ITPR1: variants seen among roughly 807,000 people sequenced by gnomAD.
ITPR1 encodes inositol 1,4,5-trisphosphate-gated calcium channel ITPR1.
In ITPR1, 96 loss-of-function variants were observed where a neutral mutation model predicts 318.4. The observed-to-expected ratio is 0.30, with a 90% CI of 0.26 to 0.36. ITPR1 has a LOEUF of 0.36. ITPR1 is among the 10% of genes least tolerant of loss of function. The pLI is 1.00. For missense variants in ITPR1, 2,440 were observed against 3,460.2 expected, an observed-to-expected ratio of 0.71 and a Z score of 7.40; for synonymous variants, 1,312 against 1,289.9, an observed-to-expected ratio of 1.02 and a Z score of -0.37.
chr3:4,590,120 T>C (rs1188044750), intron 4 of ITPR1, among the ~76,000 whole-genome samples: 3 of 151,322 alleles, frequency 2.0e-5, no homozygotes, highest in Non-Finnish European at 4.4e-5. Flanking sequence ...CCTTCCTGTC[T>C]TACCAACTTA....
chr3:4,715,897 G>T (rs899743775), intron 39 of ITPR1, among the ~76,000 whole-genome samples: 14 of 151,996 alleles, frequency 9.2e-5, no homozygotes, highest in African/African-American at 3.1e-4. Context: ...GAAAGGTAGG[G>T]GCTGACTGAA....
intron 4 of ITPR1, among the ~76,000 whole-genome samples, chr3:4,606,961 G>C (rs1308505080): frequency 6.6e-6 from 1 of 152,184 alleles, no homozygotes; most frequent in Admixed American, 6.5e-5. Context: ...TATTCATGGG[G>C]GAGATGTTTT....
intron 10 of ITPR1, among the ~76,000 whole-genome samples, chr3:4,651,531 C>G (rs1442222871): frequency 6.6e-6 from 1 of 152,192 alleles, no homozygotes; most frequent in East Asian, 1.9e-4. Flanking sequence ...CACCAGTTGT[C>G]CAACATGTGA....
chr3:4,606,070 G>A (rs763594103), intron 4 of ITPR1, among the ~76,000 whole-genome samples: 11 of 152,106 alleles, frequency 7.2e-5, no homozygotes, highest in African/African-American at 2.7e-4. Flanking sequence ...CAGGAGCAGG[G>A]GAAAGAGCCT....
chr3:4,514,971 T>A (rs1395058964), intron 2 of ITPR1, among the ~76,000 whole-genome samples: 1 of 152,228 alleles, frequency 6.6e-6, no homozygotes, highest in Non-Finnish European at 1.5e-5. Context: ...TTCTGTACAT[T>A]ATTTGTGTAT....
chr3:4,688,461 C>A (rs776298615), intron 30 of ITPR1, 34 bp from the exon 31 acceptor site: 2 of 1,610,024 alleles, frequency 1.2e-6, no homozygotes, highest in African/African-American at 1.3e-5. Context: ...CCTGGCCCAG[C>A]AATCAGTGCT....
intron 4 of ITPR1, among the ~76,000 whole-genome samples, chr3:4,618,652 A>G (rs879551243): frequency 3.9e-5 from 6 of 151,968 alleles, no homozygotes; most frequent in East Asian, 3.9e-4. Context: ...CCTCTCTCCA[A>G]TTCCTCAGCA....
intron 4 of ITPR1, among the ~76,000 whole-genome samples, chr3:4,610,610 A>T (rs1559532173): frequency 6.6e-6 from 1 of 152,060 alleles, no homozygotes; most frequent in Non-Finnish European, 1.5e-5. Context: ...GGGAAATTTC[A>T]TTTGCCTTTA....
chr3:4,697,077 A>T (rs1559718313), intron 33 of ITPR1, 70 bp from the exon 34 acceptor site: 6 of 1,446,742 alleles, frequency 4.1e-6, no homozygotes, highest in Non-Finnish European at 3.8e-6. Flanking sequence ...CTTGCTGTGA[A>T]GTTGAGGCAG....
rs570990426 is a variant in ITPR1, at chr3:4,774,420, T to A, written c.5980-822T>A. On this transcript the variant is annotated intron_variant, in intron 46 of 61. Coordinates refer to ENST00000649015, the MANE Select transcript of ITPR1 (RefSeq NM_001378452.1). ...CAAAGATCATGTCCATTTAATCTTT[T>A]CCTATTGCCCATTTTTTTTACAGTA... is the stretch of plus-strand genomic sequence containing the variant. Among the ~76,000 whole-genome samples the A allele has an allele frequency of 2.6e-5, 4 of 152,366 alleles. No homozygotes were observed. In the South Asian group the frequency reaches 8.3e-4, roughly 32 times the overall value.
intron 2 of ITPR1, among the ~76,000 whole-genome samples, chr3:4,512,598 CAG>C (rs1355506851): frequency 2.0e-5 from 3 of 152,212 alleles, no homozygotes; most frequent in African/African-American, 7.2e-5. Context: ...ATTTTTTAAA[CAG>C]GGGATCCTTT....
intron 56 of ITPR1, among the ~76,000 whole-genome samples, chr3:4,811,981 C>T (rs530337657): frequency 6.6e-6 from 1 of 151,898 alleles, no homozygotes; most frequent in East Asian, 1.9e-4. Flanking sequence ...TGGAAAAATA[C>T]CCACAAGATG....
At chr3:4,568,514 A>G (rs1407870481) in intron 4 of ITPR1, among the ~76,000 whole-genome samples, 1 of 152,156 alleles carries the variant, frequency 6.6e-6, no homozygotes, top group Admixed American at 6.5e-5. Flanking sequence ...GGCTGGTAAT[A>G]TAGGGAGCTG....
intron 59 of ITPR1, chr3:4,816,379 G>T (rs2049303156): frequency 6.6e-6 from 1 of 152,194 alleles, no homozygotes. Flanking sequence ...GAATATCAAA[G>T]ACATGCTGTT....
At chr3:4,812,088 G>A (rs1470698287) in intron 56 of ITPR1, among the ~76,000 whole-genome samples, 1 of 146,936 alleles carries the variant, frequency 6.8e-6, no homozygotes, top group Non-Finnish European at 1.5e-5. Context: ...CTCCCAGGCT[G>A]ATGTGCAGTG....
chr3:4,641,979 C>A, intron 6 of ITPR1, 114 bp from the exon 7 acceptor site: 1 of 773,054 alleles, frequency 1.3e-6, no homozygotes. Flanking sequence ...CTGGCTTCAC[C>A]AGCAGCTCAA....
intron 4 of ITPR1, among the ~76,000 whole-genome samples, chr3:4,615,360 A>G (rs1301525542): frequency 6.8e-6 from 1 of 147,362 alleles, no homozygotes; most frequent in African/African-American, 2.5e-5. Context: ...TTGCCTTTCC[A>G]ACTGATTTCT....
At chr3:4,681,156 A>T (rs2094290917) in intron 25 of ITPR1, among the ~76,000 whole-genome samples, 1 of 152,056 alleles carries the variant, frequency 6.6e-6, no homozygotes, top group South Asian at 2.1e-4. Flanking sequence ...TTACCAGGGG[A>T]CCATGCAGTG....
intron 31 of ITPR1, 117 bp downstream of exon 31, chr3:4,688,737 A>G: frequency 3.2e-6 from 3 of 941,778 alleles, no homozygotes; most frequent in East Asian, 2.7e-5. Flanking sequence ...TGCAACATTC[A>G]TTCCAAAGGG....
Sources: gnomAD v4.1 joint callset for allele counts (sites outside exome capture counted in the v4.1 genomes callset) on GRCh38, gnomAD v4.1.1 for gene constraint, MANE v1.5 for transcripts, NCBI Gene and HGNC (gene_info 2026-07-23, HGNC 2026-07-21) for gene names.